Variants in CNTN4 observed in about 807,000 individuals in gnomAD.
The protein encoded by CNTN4 is contactin 4.
In CNTN4, 77 loss-of-function variants were observed where a neutral mutation model predicts 122.5. The ratio of observed to expected loss-of-function variants is 0.63; its 90% CI spans 0.52 to 0.76. The LOEUF (loss-of-function observed/expected upper bound fraction) is 0.76, where lower values mean the gene tolerates loss of function less well. Ranked by LOEUF, CNTN4 falls within the 30% of genes least tolerant of loss-of-function variation. The pLI, the probability that CNTN4 is intolerant of heterozygous loss-of-function variation, is 0.00. For missense variants in CNTN4, 1,256 were observed against 1,259.1 expected, an observed-to-expected ratio of 1.00 and a Z score of 0.04; for synonymous variants, 512 against 447.0, an observed-to-expected ratio of 1.15 and a Z score of -1.83.
intron 3 of CNTN4, among the ~76,000 whole-genome samples, chr3:2,555,184 G>A (rs1042384250): frequency 6.6e-6 from 1 of 152,108 alleles, no homozygotes; most frequent in Non-Finnish European, 1.5e-5. Flanking sequence ...TTAAATCCGA[G>A]TCAACTTCGT....
chr3:2,781,716 A>ATTTTTTT (rs59896254), intron 6 of CNTN4, among the ~76,000 whole-genome samples: 1 of 85,954 alleles, frequency 1.2e-5, no homozygotes, highest in Non-Finnish European at 2.1e-5. Flanking sequence ...CTTTGGGTAA[A>ATTTTTTT]TTTTTTTTTT....
At chr3:2,377,661 A>C (rs761423722) in intron 3 of CNTN4, among the ~76,000 whole-genome samples, 4 of 152,260 alleles carry the variant, frequency 2.6e-5, no homozygotes, top group African/African-American at 9.6e-5. Context: ...ATATGTTTGC[A>C]TAAAGCAAGC....
intron 4 of CNTN4, among the ~76,000 whole-genome samples, chr3:2,584,181 T>C (rs1298046428): frequency 6.6e-6 from 1 of 152,172 alleles, no homozygotes; most frequent in African/African-American, 2.4e-5. Flanking sequence ...CCTCTCTTTA[T>C]CGCTGAGCTC....
chr3:2,656,933 C>T (rs1325259263), intron 4 of CNTN4, among the ~76,000 whole-genome samples: 1 of 152,126 alleles, frequency 6.6e-6, no homozygotes, highest in Admixed American at 6.5e-5. Flanking sequence ...TATTTTCAAA[C>T]TCAAATGAGT....
At position 2,703,281 on chromosome 3, in the gene CNTN4, G is replaced by C. The variant is rs529432194; in HGVS notation, c.56-32934G>C. On this transcript the variant is annotated intron_variant, in intron 4 of 24. Transcript: ENST00000418658. ...ATTGAATGAATGAGTACATAAATTA[G>C]ACATGTTATGGTACAGTATGAGTAT... 1.3e-5 allele frequency among the ~76,000 whole-genome samples: 2 copies of C among 152,230 alleles called. 1 individual carries two copies. Among genetic ancestry groups the C allele is most frequent in the African/African-American group, 4.8e-5 (2 of 41,536 alleles).
chr3:2,124,468 ACACACC>A (rs1386927973), intron 2 of CNTN4, among the ~76,000 whole-genome samples: 75 of 147,390 alleles, frequency 5.1e-4, no homozygotes, highest in Middle Eastern at 3.6e-3. Flanking sequence ...ACACACACAC[ACACACC>A]CCCTTAAGCA....
At chr3:2,395,691 C>T (rs369623762) in intron 3 of CNTN4, among the ~76,000 whole-genome samples, 2 of 152,170 alleles carry the variant, frequency 1.3e-5, no homozygotes, top group East Asian at 3.9e-4. Context: ...TAAGTGAGTA[C>T]ATGTGGTATT....
chr3:2,918,198 T>C (rs2094390456), intron 12 of CNTN4, among the ~76,000 whole-genome samples: 1 of 152,248 alleles, frequency 6.6e-6, no homozygotes, highest in African/African-American at 2.4e-5. Context: ...TTCTACATTG[T>C]AATATGGTTC....
intron 6 of CNTN4, among the ~76,000 whole-genome samples, chr3:2,799,019 C>A (rs4685559): frequency 0.33 from 49,488 of 152,118 alleles, 8,598 homozygotes; most frequent in Non-Finnish European, 0.39. Flanking sequence ...TTGACTTTTT[C>A]ATAGTAGTCA....
chr3:2,817,934 C>T (rs971357524), intron 6 of CNTN4, among the ~76,000 whole-genome samples: 1 of 152,156 alleles, frequency 6.6e-6, no homozygotes, highest in Admixed American at 6.5e-5. Flanking sequence ...CATGTTCTAC[C>T]CTCACCTGGT....
chr3:2,894,023 A>T (rs66613851), intron 10 of CNTN4, among the ~76,000 whole-genome samples: 14,881 of 152,236 alleles, frequency 0.098, 781 homozygotes, highest in South Asian at 0.12. Flanking sequence ...ACAAAAATAC[A>T]ACCAGTATAT....
intron 4 of CNTN4, among the ~76,000 whole-genome samples, chr3:2,705,299 C>T (rs1437371456): frequency 7.1e-6 from 1 of 141,046 alleles, no homozygotes; most frequent in East Asian, 2.1e-4. Flanking sequence ...ACCTAGGAGG[C>T]AGAGCTTGCA....
intron 6 of CNTN4, among the ~76,000 whole-genome samples, chr3:2,777,635 T>C (rs1466051545): frequency 6.6e-6 from 1 of 152,156 alleles, no homozygotes; most frequent in African/African-American, 2.4e-5. Context: ...CCACACAGCA[T>C]GTAACAAGAA....
chr3:3,049,077 T>C (rs1331417129), intron 23 of CNTN4, among the ~76,000 whole-genome samples: 1 of 152,098 alleles, frequency 6.6e-6, no homozygotes, highest in Non-Finnish European at 1.5e-5. Context: ...CATCTTAACT[T>C]TATATTTTAT....
intron 13 of CNTN4, among the ~76,000 whole-genome samples, chr3:2,935,624 AGGTTCTACATGTGTCAC>A (rs577716798): frequency 4.8e-4 from 73 of 152,378 alleles, no homozygotes; most frequent in Non-Finnish European, 9.3e-4. Context: ...ATTTAAATCA[AGGTTCTACATGTGTCAC>A]GGAAAAGGGA....
chr3:2,226,906 T>C (rs2039305654), intron 2 of CNTN4, among the ~76,000 whole-genome samples: 1 of 152,196 alleles, frequency 6.6e-6, no homozygotes, highest in African/African-American at 2.4e-5. Context: ...TTTGTAACTC[T>C]TTGCAGTAGC....
chr3:2,553,645 A>G (rs150772356), intron 3 of CNTN4, among the ~76,000 whole-genome samples: 151 of 152,278 alleles, frequency 9.9e-4, no homozygotes, highest in African/African-American at 3.3e-3. Flanking sequence ...ATCTTCCAGT[A>G]TTTTTGGGGG....
chr3:2,702,419 T>C (rs570060030), intron 4 of CNTN4, among the ~76,000 whole-genome samples: 2 of 152,376 alleles, frequency 1.3e-5, no homozygotes, highest in South Asian at 4.1e-4. Flanking sequence ...GTAGCATATT[T>C]TCATTATAAT....
At chr3:2,799,144 G>A (rs1307330107) in intron 6 of CNTN4, among the ~76,000 whole-genome samples, 5 of 152,076 alleles carry the variant, frequency 3.3e-5, no homozygotes, top group Middle Eastern at 3.2e-3. Context: ...GCCTTCTTTT[G>A]AAAAATGTCT....
Sources: gnomAD v4.1 joint callset for allele counts (sites outside exome capture counted in the v4.1 genomes callset) on GRCh38, gnomAD v4.1.1 for gene constraint, MANE v1.5 for transcripts, NCBI Gene and HGNC (gene_info 2026-07-23, HGNC 2026-07-21) for gene names.